Variants in MYO19 observed in about 807,000 individuals in gnomAD.
The protein encoded by MYO19 is unconventional myosin-XIX.
A neutral mutation model predicts 129.2 loss-of-function variants in MYO19; 132 were observed. That is an observed-to-expected ratio of 1.02 (90% CI 0.89 to 1.18). The LOEUF (loss-of-function observed/expected upper bound fraction) is 1.18, where lower values mean the gene tolerates loss of function less well. MYO19 is among the 50% of genes most tolerant of loss of function. The probability of loss-of-function intolerance (pLI) is 0.00; values close to 1 mark genes in which losing one functional copy is unlikely to be tolerated. For missense variants in MYO19, 1,210 were observed against 1,216.7 expected (o/e 0.99, Z 0.08); for synonymous variants, 531 against 477.2 (o/e 1.11, Z -1.47).
Position 36,509,569 on chromosome 17 carries a change from C to T in MYO19, c.1158-434G>A, listed in dbSNP as rs1213934179. ...CAGAGCTCAAGGCCCCACCATACCC[C>T]CTGATGTAGTTCTGCACAAGTGGGC... On this transcript the variant is annotated intron_variant, in intron 13 of 25. Coordinates refer to ENST00000614623, the MANE Select transcript of MYO19 (RefSeq NM_001163735.2). The T allele has an allele frequency of 1.8e-5, 4 of 223,028 alleles. No individual in the cohort carries two copies. The East Asian group carries it at 4.6e-4, about 26-fold the overall frequency. 13.8% of individuals were successfully genotyped at this position (223,028 alleles called of 1,614,324 possible).
At chr17:36,512,507 CA>C in intron 11 of MYO19, 1 of 845,922 alleles carries the variant, frequency 1.2e-6, no homozygotes, top group Non-Finnish European at 1.6e-6. Flanking sequence ...CTTCCGGCCA[CA>C]ACTTGCTCCA....
At chr17:36,511,063 G>C in intron 12 of MYO19, 146 bp from the exon 13 acceptor site, 1 of 969,410 alleles carries the variant, frequency 1.0e-6, no homozygotes, top group Non-Finnish European at 1.5e-6. Context: ...CTCACCCAAA[G>C]GACTCCATAA....
At chr17:36,528,544 C>T (rs2073635375) in intron 3 of MYO19, among the ~76,000 whole-genome samples, 2 of 151,530 alleles carry the variant, frequency 1.3e-5, no homozygotes, top group Non-Finnish European at 2.9e-5. Context: ...ATGAAGGCCG[C>T]GACAGCTGGT....
chr17:36,527,990 A>C lies in MYO19; in HGVS notation c.151+74T>G, dbSNP rs984267178. ...CTGCCGACCTCCGTCTGACCTGGAG[A>C]AGCTGTGCTGACTACTCTCATTACA... On this transcript the variant is annotated intron_variant, in intron 4 of 25. Coordinates refer to ENST00000614623, the MANE Select transcript of MYO19 (RefSeq NM_001163735.2). 6.0e-5 allele frequency: 94 copies of C among 1,555,976 alleles called. No individual in the cohort carries two copies. The African/African-American group carries it at 1.2e-3, about 19-fold the overall frequency.
intron 3 of MYO19, among the ~76,000 whole-genome samples, chr17:36,530,365 C>T (rs2073755544): frequency 6.6e-6 from 1 of 151,532 alleles, no homozygotes; most frequent in Non-Finnish European, 1.5e-5. Context: ...CTCACAGATA[C>T]TCACAAGCAC....
At chr17:36,511,569 T>C in intron 11 of MYO19, 114 bp from the exon 12 acceptor site, 1 of 876,744 alleles carries the variant, frequency 1.1e-6, no homozygotes, top group Non-Finnish European at 1.8e-6. Flanking sequence ...CTCCCAATCA[T>C]GGCCCAAGTG....
chr17:36,533,901 T>C (rs2073974295), intron 2 of MYO19, 52 bp downstream of exon 2: 1 of 151,900 alleles, frequency 6.6e-6, no homozygotes, highest in Admixed American at 6.6e-5. Context: ...CAAAACGGAG[T>C]GATAATATCC....
In MYO19 at chr17:36,525,217, C is replaced by CT; in HGVS notation, c.414+10_414+11insA. The CT allele has an allele frequency of 1.9e-6, 3 of 1,597,410 alleles. No individual in the cohort carries two copies. Among genetic ancestry groups the CT allele is most frequent in the Non-Finnish European group, 2.6e-6 (3 of 1,165,140 alleles). On this transcript the variant is annotated intron_variant, in intron 6 of 25. Coordinates refer to ENST00000614623, the MANE Select transcript of MYO19 (RefSeq NM_001163735.2). ...TCGTGAGTTGACAGGATGGGAAAGA[C>CT]GTCTTCCTACCTTTCCAGCACCACT...
At chr17:36,530,451 CTTTTTTTTTTTT>C (rs11292870) in intron 3 of MYO19, among the ~76,000 whole-genome samples, 21 of 94,852 alleles carry the variant, frequency 2.2e-4, no homozygotes, top group African/African-American at 8.2e-4. Context: ...CTAAAAGTGG[CTTTTTTTTTTTT>C]TTTTTTTTTT....
chr17:36,508,982 G>T, intron 14 of MYO19, 80 bp downstream of exon 14: 1 of 1,251,450 alleles, frequency 8.0e-7, no homozygotes, highest in Non-Finnish European at 1.2e-6. Flanking sequence ...TCACACAGTG[G>T]ACCCAGGGCT....
rs1273984393 is a variant in MYO19, at chr17:36,528,077, C to T, written c.138G>A (p.Val46=). 6 of 1,613,344 alleles carry T rather than the reference C, an allele frequency of 3.7e-6. No homozygotes were observed. Among genetic ancestry groups the T allele is most frequent in the African/African-American group, 1.3e-5 (1 of 74,920 alleles). ...GGAGGCCCATACCTGTCTCTAGTGT[C>T]ACAGGATTCACCCTGGTGAGGTCAT... ...KLDDLTRVNP[V]TLETVLRCLQ... Residue 46 remains valine, a synonymous_variant, in exon 4 of 26, where the codon GTG becomes GTA. Coordinates refer to ENST00000614623, the MANE Select transcript of MYO19 (RefSeq NM_001163735.2).
At chr17:36,518,554 GTGTA>G (rs1555581833) in intron 6 of MYO19, among the ~76,000 whole-genome samples, 1 of 66,552 alleles carries the variant, frequency 1.5e-5, no homozygotes, top group Non-Finnish European at 2.8e-5. Context: ...ATATATATAT[GTGTA>G]TGTGTATATA....
intron 13 of MYO19, among the ~76,000 whole-genome samples, chr17:36,510,490 A>G (rs903817686): frequency 1.3e-5 from 2 of 152,234 alleles, no homozygotes; most frequent in African/African-American, 4.8e-5. Flanking sequence ...AGCCTCCTGA[A>G]CTTTAATAAT....
intron 5 of MYO19, among the ~76,000 whole-genome samples, chr17:36,526,958 T>A (rs192004008): frequency 6.6e-6 from 1 of 151,984 alleles, no homozygotes; most frequent in African/African-American, 2.4e-5. Context: ...GGTGGGTAGA[T>A]CACCTGATGT....
At chr17:36,502,917 C>A in intron 21 of MYO19, 180 bp downstream of exon 21, 1 of 621,212 alleles carries the variant, frequency 1.6e-6, no homozygotes. Context: ...CTGCTCATAG[C>A]TCTGCTTTTC....
At chr17:36,526,042 C>G (rs76036786) in intron 5 of MYO19, among the ~76,000 whole-genome samples, 10,775 of 152,208 alleles carry the variant, frequency 0.071, 640 homozygotes, top group African/African-American at 0.16. Flanking sequence ...GCTAACCCAG[C>G]CAGCAGTGAT....
chr17:36,500,590 A>G (rs2071444612), intron 23 of MYO19: 2 of 545,018 alleles, frequency 3.7e-6, no homozygotes, highest in East Asian at 5.9e-5. Flanking sequence ...ACGCTTAGAC[A>G]ACGCTTAGCC....
chr17:36,517,213 C>T lies in MYO19; in HGVS notation c.415-1223G>A, dbSNP rs56984107. Among the ~76,000 whole-genome samples the T allele has an allele frequency of 4.7e-3, 711 of 152,206 alleles. 10 individuals carry two copies. Among genetic ancestry groups the T allele is most frequent in the African/African-American group, 0.017 (693 of 41,536 alleles). ...CTTCATTCCTGATACTGGTGATTTA[C>T]ATCTTTTTTCTCTTTTTATAAGTCT... On this transcript the variant is annotated intron_variant, in intron 6 of 25. Coordinates refer to ENST00000614623, the MANE Select transcript of MYO19 (RefSeq NM_001163735.2).
At chr17:36,502,296 A>G (rs2071589614) in intron 21 of MYO19, among the ~76,000 whole-genome samples, 2 of 152,264 alleles carry the variant, frequency 1.3e-5, no homozygotes, top group South Asian at 4.1e-4. Flanking sequence ...AAGCCTGCCT[A>G]AGTGCCTTGC....
Sources: allele counts gnomAD v4.1 joint callset (sites outside exome capture counted in the v4.1 genomes callset), GRCh38; gene constraint gnomAD v4.1.1; transcripts MANE v1.5; gene names NCBI Gene and HGNC (gene_info 2026-07-23, HGNC 2026-07-21).